The following GOLPH3 variants were observed in gnomAD, a reference collection of about 807,000 sequenced individuals.
GOLPH3 encodes the protein golgi phosphoprotein 3.
A neutral mutation model predicts 28.5 loss-of-function variants in GOLPH3; 14 were observed. The observed-to-expected ratio is 0.49, with a 90% CI of 0.32 to 0.77. GOLPH3 has a LOEUF of 0.77. Among genes scored for constraint, GOLPH3 ranks in the 30% least tolerant of loss-of-function variants. The pLI is 0.03. For synonymous variants in GOLPH3, 158 were observed against 159.2 expected (o/e 0.99, Z 0.06); for missense variants, 350 against 393.7 (o/e 0.89, Z 0.94).
intron 1 of GOLPH3, among the ~76,000 whole-genome samples, chr5:32,169,339 C>T (rs1038381868): frequency 3.3e-5 from 5 of 152,062 alleles, no homozygotes; most frequent in African/African-American, 4.8e-5. Context: ...AAGCGAAGAC[C>T]TGGGGAGGAG....
chr5:32,166,525 C>A (rs1746712976), intron 1 of GOLPH3, among the ~76,000 whole-genome samples: 1 of 152,124 alleles, frequency 6.6e-6, no homozygotes. Context: ...TACTAAAAAG[C>A]AGCAGCATGG....
chr5:32,163,676 A>AT (rs1224910077), intron 1 of GOLPH3, among the ~76,000 whole-genome samples: 1,657 of 90,018 alleles, frequency 0.018, 29 homozygotes, highest in African/African-American at 0.054. Context: ...ATATATATAT[A>AT]TTTTTTTTCT....
chr5:32,172,009 G>C (rs1746847852), intron 1 of GOLPH3, among the ~76,000 whole-genome samples: 1 of 151,782 alleles, frequency 6.6e-6, no homozygotes, highest in Non-Finnish European at 1.5e-5. Flanking sequence ...GAAACCTAAA[G>C]TTGAATATTT....
intron 1 of GOLPH3, among the ~76,000 whole-genome samples, chr5:32,168,317 C>T (rs1746758616): frequency 6.6e-6 from 1 of 152,146 alleles, no homozygotes; most frequent in Non-Finnish European, 1.5e-5. Flanking sequence ...AAGTAGTGAC[C>T]TTGGGAACCT....
chr5:32,160,491 GAAGA>G (rs1325133536), intron 1 of GOLPH3, among the ~76,000 whole-genome samples: 1 of 152,150 alleles, frequency 6.6e-6, no homozygotes, highest in East Asian at 1.9e-4. Context: ...GAATGAAAAG[GAAGA>G]AATAATAATT....
chr5:32,126,116 G>T lies in GOLPH3; in HGVS notation c.*96C>A. 1 of 1,262,718 alleles carries T rather than the reference G, an allele frequency of 7.9e-7. No homozygotes were observed. Among genetic ancestry groups the T allele is most frequent in the Non-Finnish European group, 1.1e-6 (1 of 903,394 alleles). The allele number at this position is 1,262,718 out of a possible 1,614,324, so 78.2% of individuals were successfully genotyped here. On this transcript the variant is annotated 3_prime_UTR_variant, in exon 4 of 4. Transcript: ENST00000265070. ...TTTTGTAAAACAGAAGCCAATTATA[G>T]TGTGGGAAAGTACAAATTACAGAAA...
chr5:32,171,227 C>T (rs1212120535), intron 1 of GOLPH3, among the ~76,000 whole-genome samples: 1 of 151,980 alleles, frequency 6.6e-6, no homozygotes, highest in Non-Finnish European at 1.5e-5. Context: ...ACTGGAAGAA[C>T]TGTCTTGGGC....
chr5:32,135,826 T>A (rs1395927331), intron 2 of GOLPH3, 140 bp from the exon 3 acceptor site: 1 of 602,028 alleles, frequency 1.7e-6, no homozygotes, highest in Admixed American at 3.0e-5. Context: ...AAGTTCAGAT[T>A]TTAAATTACT....
chr5:32,164,897 A>ATTTT (rs1201515763), intron 1 of GOLPH3, among the ~76,000 whole-genome samples: 1 of 136,048 alleles, frequency 7.4e-6, no homozygotes, highest in African/African-American at 3.2e-5. Context: ...TAAATTATGT[A>ATTTT]TTCTTTTTTT....
At chr5:32,143,979 CT>C (rs1746139103) in intron 1 of GOLPH3, 99 bp from the exon 2 acceptor site, 4 of 706,210 alleles carry the variant, frequency 5.7e-6, no homozygotes, top group South Asian at 2.5e-5. Context: ...TATTTGGTGC[CT>C]TTTACCTTTC....
intron 3 of GOLPH3, among the ~76,000 whole-genome samples, chr5:32,133,019 G>T (rs560094425): frequency 1.3e-5 from 2 of 152,250 alleles, no homozygotes; most frequent in South Asian, 4.1e-4. Context: ...CAATGTTCTG[G>T]CATCAACAGC....
At chr5:32,133,702 T>TCAGA (rs2111840658) in intron 3 of GOLPH3, among the ~76,000 whole-genome samples, 1 of 152,242 alleles carries the variant, frequency 6.6e-6, no homozygotes, top group East Asian at 1.9e-4. Context: ...GGAGGCTAAC[T>TCAGA]CAGACAGCAT....
chr5:32,159,423 A>C (rs1234977462), intron 1 of GOLPH3, among the ~76,000 whole-genome samples: 1 of 152,222 alleles, frequency 6.6e-6, no homozygotes, highest in Non-Finnish European at 1.5e-5. Context: ...TCAGCACTGA[A>C]AAGGTTTCAA....
In GOLPH3 at chr5:32,135,615, A is replaced by G. The variant is rs2111843347; in HGVS notation, c.429T>C (p.Thr143=). 1 of 1,613,826 alleles carries G rather than the reference A, an allele frequency of 6.2e-7. No individual in the cohort carries two copies. The highest frequency in any genetic ancestry group is 8.5e-7 in the Non-Finnish European group (1 of 1,179,724). ...AGTTCTGGACCGTTTCTGGAGGCTG[A>G]GTTTCCTTAACATGCTTCAGAGCTT... ...LDEALKHVKE[T]QPPETVQNWI... The change falls in exon 3 of 4, where the codon ACT becomes ACC. Residue 143 remains threonine (T), a synonymous_variant. Transcript: ENST00000265070.
At chr5:32,166,633 C>A (rs1746716337) in intron 1 of GOLPH3, among the ~76,000 whole-genome samples, 2 of 152,086 alleles carry the variant, frequency 1.3e-5, no homozygotes, top group African/African-American at 2.4e-5. Context: ...CATGGTGAAA[C>A]CCCATCTCTA....
intron 3 of GOLPH3, among the ~76,000 whole-genome samples, chr5:32,130,794 T>A (rs1426962493): frequency 6.6e-6 from 1 of 152,238 alleles, no homozygotes; most frequent in East Asian, 1.9e-4. Context: ...TAATAGTTTA[T>A]GACTACTGTC....
intron 1 of GOLPH3, among the ~76,000 whole-genome samples, chr5:32,150,374 A>C (rs1164902513): frequency 1.3e-5 from 2 of 151,798 alleles, no homozygotes; most frequent in East Asian, 3.9e-4. Flanking sequence ...TAAAAATAGC[A>C]ACAGATTTTC....
chr5:32,173,265 AG>A (rs1746885650), intron 1 of GOLPH3, among the ~76,000 whole-genome samples: 1 of 152,082 alleles, frequency 6.6e-6, no homozygotes, highest in Non-Finnish European at 1.5e-5. Context: ...AACTTTACTC[AG>A]TAAAAGAGCT....
chr5:32,126,497 G>A lies in GOLPH3; in HGVS notation c.612C>T (p.Leu204=). The change falls in exon 4 of 4, where the codon CTC becomes CTT. Residue 204 remains leucine, a synonymous_variant. Coordinates refer to ENST00000265070, the MANE Select transcript of GOLPH3 (RefSeq NM_022130.4). ...FLLFDMTTHP[L]TNNNIKQRLI... ...GGCGCTGCTTAATGTTGTTATTGGT[G>A]AGGGGATGTGTTGTCATGTCAAAAA... 6.2e-7 allele frequency: 1 copy of A among 1,614,164 alleles called. No homozygotes were observed. Among genetic ancestry groups the A allele is most frequent in the Non-Finnish European group, 8.5e-7 (1 of 1,180,040 alleles).
Sources: allele counts gnomAD v4.1 joint callset (sites outside exome capture counted in the v4.1 genomes callset), GRCh38; gene constraint gnomAD v4.1.1; transcripts MANE v1.5; gene names NCBI Gene and HGNC (gene_info 2026-07-23, HGNC 2026-07-21).